FABP7: variants seen among roughly 807,000 people sequenced by gnomAD.
The protein encoded by FABP7 is fatty acid-binding protein, brain.
Under a neutral mutation model 14.2 loss-of-function variants are expected in FABP7, and 13 were observed. The ratio of observed to expected loss-of-function variants is 0.91; its 90% confidence interval spans 0.59 to 1.45. The LOEUF (loss-of-function observed/expected upper bound fraction) is 1.45. Among genes scored for constraint, FABP7 ranks in the 40% most tolerant of loss-of-function variants. FABP7 has a pLI of 0.00. For synonymous variants in FABP7, 49 were observed against 51.4 expected (o/e 0.95, Z 0.20); for missense variants, 149 against 157.6 (o/e 0.95, Z 0.29).
At chr6:122,766,933 A>G in the FABP7 span, among the ~76,000 whole-genome samples, 1 of 152,110 alleles carries the variant, frequency 6.6e-6, no homozygotes, top group Non-Finnish European at 1.5e-5. Context: ...TAGATATAAT[A>G]TGTTTGCTAA....
chr6:122,750,597 G>A, the FABP7 span, among the ~76,000 whole-genome samples: 1 of 152,134 alleles, frequency 6.6e-6, no homozygotes, highest in East Asian at 1.9e-4. Context: ...TTTTCATTAG[G>A]AAAGTGTATT....
At chr6:122,750,730 C>T in the FABP7 span, among the ~76,000 whole-genome samples, 58,124 of 151,984 alleles carry the variant, frequency 0.38, 11,387 homozygotes, top group Non-Finnish European at 0.43. Flanking sequence ...TGGTCTAAAC[C>T]GGAATGTTGT....
At chr6:122,752,197 C>G in the FABP7 span, among the ~76,000 whole-genome samples, 2 of 152,080 alleles carry the variant, frequency 1.3e-5, no homozygotes, top group Admixed American at 1.3e-4. Context: ...ATTTATATTT[C>G]AAAATGTTAT....
At chr6:122,761,040 C>T in the FABP7 span, among the ~76,000 whole-genome samples, 1 of 152,114 alleles carries the variant, frequency 6.6e-6, no homozygotes, top group African/African-American at 2.4e-5. Context: ...CTATTTAGTT[C>T]TGTCCCTCTT....
chr6:122,753,798 CA>C, the FABP7 span, among the ~76,000 whole-genome samples: 15 of 107,654 alleles, frequency 1.4e-4, no homozygotes, highest in East Asian at 2.6e-3. Flanking sequence ...CCCCCCCGCC[CA>C]CAGAAGTTTT....
chr6:122,753,791 C>A, the FABP7 span, among the ~76,000 whole-genome samples: 3 of 93,752 alleles, frequency 3.2e-5, no homozygotes, highest in Non-Finnish European at 2.2e-5. Flanking sequence ...CCCGCCCCCC[C>A]CCCGCCCACA....
At chr6:122,776,507 A>G (rs536825517), upstream of FABP7, among the ~76,000 whole-genome samples, 1 of 152,288 alleles carries the variant, frequency 6.6e-6, no homozygotes, top group South Asian at 2.1e-4. Flanking sequence ...TGGTTACAAG[A>G]GGCTGGGAAG....
intron 1 of FABP7, 76 bp from the exon 2 acceptor site, chr6:122,780,215 A>G: frequency 6.8e-7 from 1 of 1,475,988 alleles, no homozygotes; most frequent in Non-Finnish European, 9.4e-7. Flanking sequence ...GGATTCCAGA[A>G]TCAGAAAGCA....
chr6:122,753,420 A>T, the FABP7 span, among the ~76,000 whole-genome samples: 5 of 137,992 alleles, frequency 3.6e-5, 1 homozygote, highest in South Asian at 1.2e-3. Context: ...ATTCGCTCAC[A>T]CTCAGTCTCA....
the FABP7 span, among the ~76,000 whole-genome samples, chr6:122,772,305 G>A: frequency 1.3e-5 from 2 of 152,082 alleles, no homozygotes; most frequent in South Asian, 2.1e-4. Flanking sequence ...AGATCTAGAA[G>A]CAGGCTAAGA....
upstream of FABP7, among the ~76,000 whole-genome samples, chr6:122,777,096 G>A (rs570869921): frequency 8.6e-5 from 13 of 152,006 alleles, no homozygotes; most frequent in Non-Finnish European, 1.6e-4. Context: ...ATCTATAAAG[G>A]GCTAAGATGA....
At chr6:122,778,509 G>C (rs1242616798), upstream of FABP7, among the ~76,000 whole-genome samples, 2 of 152,174 alleles carry the variant, frequency 1.3e-5, no homozygotes, top group South Asian at 2.1e-4. Flanking sequence ...AGTTTAATTG[G>C]GAGGGGAGAG....
chr6:122,763,346 C>T, the FABP7 span, among the ~76,000 whole-genome samples: 1 of 152,102 alleles, frequency 6.6e-6, no homozygotes, highest in Non-Finnish European at 1.5e-5. Context: ...ATGTAGAAAG[C>T]TGAAACTGGA....
chr6:122,773,933 G>C, the FABP7 span, among the ~76,000 whole-genome samples: 2 of 151,524 alleles, frequency 1.3e-5, no homozygotes. Context: ...TTTACCATTA[G>C]TGCCACTAGT....
chr6:122,781,249 T>A, intron 3 of FABP7, 55 bp downstream of exon 3: 1 of 1,588,782 alleles, frequency 6.3e-7, no homozygotes, highest in Non-Finnish European at 8.6e-7. Context: ...TCCGCACACC[T>A]CTCACCTCCT....
the FABP7 span, among the ~76,000 whole-genome samples, chr6:122,762,271 G>A: frequency 1.3e-5 from 2 of 152,022 alleles, no homozygotes; most frequent in African/African-American, 2.4e-5. Flanking sequence ...ATCATATAAA[G>A]AGAACCAATG....
chr6:122,771,510 A>T, the FABP7 span, among the ~76,000 whole-genome samples: 2 of 152,162 alleles, frequency 1.3e-5, no homozygotes, highest in Non-Finnish European at 2.9e-5. Context: ...AGTGATAATA[A>T]CCCATAGTAA....
At chr6:122,753,818 C>T in the FABP7 span, among the ~76,000 whole-genome samples, 4 of 131,186 alleles carry the variant, frequency 3.0e-5, no homozygotes, top group Admixed American at 3.3e-4. Flanking sequence ...TTCCATTGGC[C>T]ACTTCATGCT....
intron 2 of FABP7, among the ~76,000 whole-genome samples, 157 bp from the exon 3 acceptor site, chr6:122,780,936 A>G (rs1780765964): frequency 6.6e-6 from 1 of 152,226 alleles, no homozygotes; most frequent in Non-Finnish European, 1.5e-5. Flanking sequence ...TCAAATTTAC[A>G]TAATAGAAAA....
Sources: allele counts gnomAD v4.1 joint callset (sites outside exome capture counted in the v4.1 genomes callset), GRCh38; gene constraint gnomAD v4.1.1; transcripts MANE v1.5; gene names NCBI Gene and HGNC (gene_info 2026-07-23, HGNC 2026-07-21).